The following ANO3 variants were observed in gnomAD, a reference collection of about 807,000 sequenced individuals.
The protein encoded by ANO3 is anoctamin-3.
In ANO3, 99 loss-of-function variants were observed where a neutral mutation model predicts 144.8. The observed-to-expected ratio is 0.68, with a 90% CI of 0.58 to 0.81. The LOEUF is 0.81. Among genes scored for constraint, ANO3 ranks in the 30% least tolerant of loss-of-function variants. The pLI is 0.00. For missense variants in ANO3, 905 were observed against 1,202.2 expected (o/e 0.75, Z 3.66); for synonymous variants, 414 against 392.6 (o/e 1.05, Z -0.64).
At chr11:26,311,866 A>G (rs747019374) in intron 1 of ANO3, among the ~76,000 whole-genome samples, 4 of 152,130 alleles carry the variant, frequency 2.6e-5, no homozygotes, top group Non-Finnish European at 5.9e-5. Flanking sequence ...ACTTTTTATT[A>G]TACTTTAAGT....
At chr11:26,408,124 G>A (rs1222875654) in intron 1 of ANO3, among the ~76,000 whole-genome samples, 1 of 151,958 alleles carries the variant, frequency 6.6e-6, no homozygotes, top group African/African-American at 2.4e-5. Context: ...ATTGACAAAT[G>A]GGATCTAATT....
At chr11:26,331,953 C>A (rs941073659), upstream of ANO3, 23 of 489,968 alleles carry the variant, frequency 4.7e-5, no homozygotes, top group Admixed American at 7.8e-4. Context: ...ATATCTCCTC[C>A]TCCAGTAAAG....
chr11:26,515,590 T>C (rs1861831256), intron 5 of ANO3, among the ~76,000 whole-genome samples: 2 of 151,982 alleles, frequency 1.3e-5, no homozygotes, highest in Non-Finnish European at 2.9e-5. Context: ...TGCTTAGAAT[T>C]TGGGGCTATA....
intron 1 of ANO3, among the ~76,000 whole-genome samples, chr11:26,392,190 T>C (rs1856898675): frequency 1.3e-5 from 2 of 151,826 alleles, no homozygotes; most frequent in South Asian, 4.2e-4. Flanking sequence ...GTCACAAGAC[T>C]GGTTTTCTGA....
chr11:26,414,733 T>G (rs548154361), intron 1 of ANO3, among the ~76,000 whole-genome samples: 1 of 143,420 alleles, frequency 7.0e-6, no homozygotes, highest in East Asian at 2.0e-4. Flanking sequence ...GTTCTGCACA[T>G]GTATACAGGA....
intron 17 of ANO3, among the ~76,000 whole-genome samples, chr11:26,616,453 TTGGTAA>T (rs1852265507): frequency 7.1e-6 from 1 of 141,458 alleles, no homozygotes; most frequent in Admixed American, 7.0e-5. Flanking sequence ...TTTTTTTTTT[TTGGTAA>T]TTTGTTGCAA....
chr11:26,189,079 T>C, exon 1 of ANO3: 1 of 415,742 alleles, frequency 2.4e-6, no homozygotes, highest in Non-Finnish European at 3.2e-6. Flanking sequence ...CCTATAGTTA[T>C]GACTGATTAG....
chr11:26,540,857 A>G (rs1849624820), intron 10 of ANO3, among the ~76,000 whole-genome samples: 1 of 152,170 alleles, frequency 6.6e-6, no homozygotes, highest in Non-Finnish European at 1.5e-5. Flanking sequence ...GGGAGTGTAA[A>G]TTAGTTCAAC....
chr11:26,368,411 G>C (rs1485343905), intron 1 of ANO3, among the ~76,000 whole-genome samples: 1 of 152,124 alleles, frequency 6.6e-6, no homozygotes, highest in Non-Finnish European at 1.5e-5. Flanking sequence ...ACCTCAATAT[G>C]AATGTAACTA....
chr11:26,583,998 C>T (rs1851205557), intron 14 of ANO3, among the ~76,000 whole-genome samples: 1 of 152,128 alleles, frequency 6.6e-6, no homozygotes, highest in Non-Finnish European at 1.5e-5. Context: ...TTTCCCTGAC[C>T]CCTTCTAATC....
chr11:26,280,472 T>C (rs1853653915), intron 1 of ANO3, among the ~76,000 whole-genome samples: 1 of 152,148 alleles, frequency 6.6e-6, no homozygotes, highest in South Asian at 2.1e-4. Context: ...TGGAGTCCGA[T>C]ATTCAAGGGC....
intron 1 of ANO3, among the ~76,000 whole-genome samples, chr11:26,365,720 A>G (rs1856051125): frequency 6.6e-6 from 1 of 152,062 alleles, no homozygotes; most frequent in African/African-American, 2.4e-5. Flanking sequence ...GCAGTGTCCC[A>G]AGGCTGTGCA....
At chr11:26,558,221 A>G (rs923631284) in intron 13 of ANO3, among the ~76,000 whole-genome samples, 1 of 152,158 alleles carries the variant, frequency 6.6e-6, no homozygotes, top group African/African-American at 2.4e-5. Context: ...GCTACTAAGG[A>G]TGGCTTTTTA....
intron 1 of ANO3, among the ~76,000 whole-genome samples, chr11:26,434,553 G>T (rs182224502): frequency 2.4e-3 from 367 of 152,204 alleles, no homozygotes; most frequent in African/African-American, 8.4e-3. Flanking sequence ...ACTTATTGAT[G>T]TGGGCATTTA....
intron 1 of ANO3, among the ~76,000 whole-genome samples, chr11:26,399,196 C>A (rs1355789736): frequency 2.6e-5 from 4 of 151,872 alleles, no homozygotes; most frequent in Non-Finnish European, 5.9e-5. Context: ...CTTCATCTAT[C>A]ATTCTTTTTC....
At chr11:26,333,427 G>A (rs1424284024) in intron 1 of ANO3, among the ~76,000 whole-genome samples, 11 of 151,764 alleles carry the variant, frequency 7.2e-5, no homozygotes, top group Admixed American at 3.3e-4. Context: ...GACTACAGGC[G>A]CCCGCCACCA....
intron 1 of ANO3, among the ~76,000 whole-genome samples, chr11:26,286,651 T>C (rs2133849309): frequency 6.6e-6 from 1 of 152,306 alleles, no homozygotes; most frequent in African/African-American, 2.4e-5. Flanking sequence ...TCTGCATCTC[T>C]AACACTCTCC....
Position 26,647,729 on chromosome 11 carries a change from G to C in ANO3, c.2449G>C (p.Glu817Gln). 6.2e-7 allele frequency: 1 copy of C among 1,605,268 alleles called. No individual in the cohort carries two copies. The highest frequency in any genetic ancestry group is 2.2e-5 in the East Asian group (1 of 44,672). Residue 817 changes from glutamate (E) to glutamine (Q), a missense_variant, in exon 24 of 27, where the codon GAA becomes CAA. By Grantham distance (29) the Glu-to-Gln change is conservative. Transcript: ENST00000256737. The part of the protein sequence containing the change: ...TDIGIWLGIL[E>Q]GIGILAVITN... ...ACCAGGTATCTGGCTTGGAATTCTCGAAGGAATCGGTATATTGGCTGTGAT... is the reference window on the plus strand; with the variant it reads ...ACCAGGTATCTGGCTTGGAATTCTCCAAGGAATCGGTATATTGGCTGTGAT...
intron 24 of ANO3, among the ~76,000 whole-genome samples, chr11:26,653,851 G>A (rs1001776273): frequency 2.0e-5 from 3 of 152,064 alleles, no homozygotes; most frequent in Non-Finnish European, 2.9e-5. Flanking sequence ...AATCTATTAT[G>A]TTGTGAGGTG....
Sources: gnomAD v4.1 joint callset for allele counts (sites outside exome capture counted in the v4.1 genomes callset) on GRCh38, gnomAD v4.1.1 for gene constraint, MANE v1.5 for transcripts, NCBI Gene and HGNC (gene_info 2026-07-23, HGNC 2026-07-21) for gene names.